Variants in PDE4D observed in about 807,000 individuals in gnomAD.
PDE4D encodes the protein phosphodiesterase 4D.
A neutral mutation model predicts 87.4 loss-of-function variants in PDE4D; 24 were observed. The ratio of observed to expected loss-of-function variants is 0.27; its 90% CI spans 0.20 to 0.39. The LOEUF (loss-of-function observed/expected upper bound fraction) is 0.39, where lower values mean the gene tolerates loss of function less well. Ranked by LOEUF, PDE4D falls within the 10% of genes least tolerant of loss-of-function variation. The pLI is 1.00. For missense variants in PDE4D, 714 were observed against 1,041.0 expected (o/e 0.69, Z 4.32); for synonymous variants, 384 against 383.2 (o/e 1.00, Z -0.02).
intron 5 of PDE4D, among the ~76,000 whole-genome samples, chr5:59,071,911 A>G (rs6859139): frequency 0.29 from 44,470 of 151,302 alleles, 7,122 homozygotes; most frequent in East Asian, 0.69. Context: ...CTGGTCTCGA[A>G]CTCCTGACCT....
At chr5:60,106,197 G>A (rs1776892394) in intron 2 of PDE4D, among the ~76,000 whole-genome samples, 1 of 151,318 alleles carries the variant, frequency 6.6e-6, no homozygotes, top group African/African-American at 2.4e-5. Flanking sequence ...AAAAAGGCAG[G>A]GGTTGCAATC....
chr5:59,372,728 C>A (rs748901625), intron 1 of PDE4D, among the ~76,000 whole-genome samples: 1 of 152,222 alleles, frequency 6.6e-6, no homozygotes, highest in Non-Finnish European at 1.5e-5. Flanking sequence ...GCTGCATTGC[C>A]TCTGCCACTC....
At chr5:60,007,184 G>A (rs763063276) in intron 2 of PDE4D, among the ~76,000 whole-genome samples, 6 of 151,948 alleles carry the variant, frequency 3.9e-5, no homozygotes, top group Non-Finnish European at 5.9e-5. Flanking sequence ...TTTTCAAAAC[G>A]TCACCTTCAG....
chr5:59,238,937 GACA>G (rs1296515728), intron 1 of PDE4D, among the ~76,000 whole-genome samples: 4 of 152,162 alleles, frequency 2.6e-5, no homozygotes, highest in Non-Finnish European at 5.9e-5. Context: ...ATTGCCTAGA[GACA>G]ACGTTAAGAT....
chr5:59,380,142 G>C (rs1785478025), intron 1 of PDE4D, among the ~76,000 whole-genome samples: 1 of 152,044 alleles, frequency 6.6e-6, no homozygotes, highest in African/African-American at 2.4e-5. Flanking sequence ...CAATGTAACA[G>C]ATGACATCTG....
chr5:60,025,874 CCT>C (rs1371799601), intron 2 of PDE4D, among the ~76,000 whole-genome samples: 3 of 152,194 alleles, frequency 2.0e-5, no homozygotes, highest in African/African-American at 7.2e-5. Context: ...ACAGTGAGAC[CCT>C]GTCTCAGAAA....
chr5:59,110,335 G>A (rs893905063), intron 5 of PDE4D, among the ~76,000 whole-genome samples: 2 of 152,142 alleles, frequency 1.3e-5, no homozygotes, highest in African/African-American at 4.8e-5. Flanking sequence ...ACACTACTCT[G>A]TAAGGACCTG....
chr5:60,187,776 C>A (rs1162077820), intron 1 of PDE4D, among the ~76,000 whole-genome samples: 2 of 152,086 alleles, frequency 1.3e-5, no homozygotes, highest in African/African-American at 2.4e-5. Context: ...AGGCACCTAG[C>A]GTCAGTAAAA....
chr5:60,284,468 C>T (rs907050261), intron 1 of PDE4D, among the ~76,000 whole-genome samples: 7 of 152,064 alleles, frequency 4.6e-5, no homozygotes, highest in African/African-American at 7.2e-5. Flanking sequence ...AGGTCTTAAC[C>T]GTAACACTAA....
intron 1 of PDE4D, among the ~76,000 whole-genome samples, chr5:59,494,465 A>AAAAC (rs539735115): frequency 5.3e-5 from 8 of 152,154 alleles, no homozygotes; most frequent in African/African-American, 7.2e-5. Flanking sequence ...AAAACAAAAC[A>AAAAC]AAACAAACAA....
rs1265140232 is a variant in PDE4D at position 58,976,480 on chromosome 5, T to C, written c.1708-8A>G. On this transcript the variant is annotated splice_polypyrimidine_tract_variant and splice_region_variant and intron_variant, in intron 12 of 14. Coordinates refer to ENST00000340635, the MANE Select transcript of PDE4D (RefSeq NM_001104631.2). ...CATATCTGTTGCAAGTACCTTAAAATATAGAGTATATTATTAAGTTCAGAG... is the reference window on the plus strand; with the variant it reads ...CATATCTGTTGCAAGTACCTTAAAACATAGAGTATATTATTAAGTTCAGAG... The C allele has an allele frequency of 6.5e-7, 1 of 1,536,638 alleles. No homozygotes were observed. The highest frequency in any genetic ancestry group is 2.4e-5 in the East Asian group (1 of 41,446).
chr5:59,348,982 G>A (rs182673095), intron 1 of PDE4D, among the ~76,000 whole-genome samples: 1 of 152,224 alleles, frequency 6.6e-6, no homozygotes, highest in East Asian at 1.9e-4. Flanking sequence ...CCAGGAGGCT[G>A]TGGCTGGAGG....
At chr5:59,273,536 C>T (rs1174543829) in intron 1 of PDE4D, among the ~76,000 whole-genome samples, 2 of 151,856 alleles carry the variant, frequency 1.3e-5, no homozygotes, top group East Asian at 1.9e-4. Flanking sequence ...TTTTTGGCAG[C>T]TGCAGTGATA....
intron 3 of PDE4D, among the ~76,000 whole-genome samples, chr5:59,910,540 T>C (rs1753330911): frequency 6.6e-6 from 1 of 152,220 alleles, no homozygotes; most frequent in Admixed American, 6.5e-5. Context: ...TCAGCTACTC[T>C]GGTCTAAATG....
intron 2 of PDE4D, among the ~76,000 whole-genome samples, chr5:60,065,869 A>G (rs901115556): frequency 1.3e-5 from 2 of 152,122 alleles, no homozygotes; most frequent in East Asian, 3.8e-4. Context: ...AGTCTTTGCT[A>G]TTGTGAATAG....
chr5:58,986,773 G>A (rs1746522275), intron 11 of PDE4D, among the ~76,000 whole-genome samples: 2 of 152,110 alleles, frequency 1.3e-5, no homozygotes, highest in South Asian at 4.2e-4. Flanking sequence ...GGGCTCAAAA[G>A]AATGAAGAAT....
chr5:59,254,530 G>A (rs991145241), intron 1 of PDE4D, among the ~76,000 whole-genome samples: 6 of 151,932 alleles, frequency 3.9e-5, no homozygotes, highest in East Asian at 1.9e-4. Context: ...TCATGGTGCC[G>A]GATGACTCAA....
chr5:59,317,306 C>G (rs27168), intron 1 of PDE4D, among the ~76,000 whole-genome samples: 1 of 152,056 alleles, frequency 6.6e-6, no homozygotes, highest in Non-Finnish European at 1.5e-5. Context: ...CTAGGGGAGG[C>G]AAACGTGTGC....
chr5:59,852,055 G>A (rs1284050289), intron 1 of PDE4D, among the ~76,000 whole-genome samples: 1 of 152,152 alleles, frequency 6.6e-6, no homozygotes, highest in African/African-American at 2.4e-5. Flanking sequence ...TAGTACACCT[G>A]GCTTAGATGA....
Sources: allele counts gnomAD v4.1 joint callset (sites outside exome capture counted in the v4.1 genomes callset), GRCh38; gene constraint gnomAD v4.1.1; transcripts MANE v1.5; gene names NCBI Gene and HGNC (gene_info 2026-07-23, HGNC 2026-07-21).